Variants in SPTBN2 observed in about 807,000 individuals in gnomAD.
The protein encoded by SPTBN2 is spectrin beta chain, non-erythrocytic 2.
A neutral mutation model predicts 284.2 loss-of-function variants in SPTBN2; 107 were observed. The ratio of observed to expected loss-of-function variants is 0.38; its 90% CI spans 0.32 to 0.44. The LOEUF (loss-of-function observed/expected upper bound fraction) is 0.44, where lower values mean the gene tolerates loss of function less well. Among genes scored for constraint, SPTBN2 ranks in the 20% least tolerant of loss-of-function variants. The pLI is 1.00. For missense variants in SPTBN2, 2,569 were observed against 3,287.1 expected (o/e 0.78, Z 5.34); for synonymous variants, 1,289 against 1,354.8 (o/e 0.95, Z 1.07).
At chr11:66,738,348 A>G (rs1942870040) in intron 1 of SPTBN2, among the ~76,000 whole-genome samples, 1 of 152,226 alleles carries the variant, frequency 6.6e-6, no homozygotes, top group African/African-American at 2.4e-5. Context: ...CTAAAACATA[A>G]CACCTAAAGA....
chr11:66,716,063 T>C (rs566019589), intron 3 of SPTBN2, 82 bp from the exon 4 acceptor site: 13 of 1,591,426 alleles, frequency 8.2e-6, no homozygotes, highest in African/African-American at 1.3e-5. Flanking sequence ...GGGTGGGGGA[T>C]GGAGAAGCCT....
intron 6 of SPTBN2, 43 bp downstream of exon 6, chr11:66,714,273 G>A (rs1942033776): frequency 6.2e-7 from 1 of 1,609,720 alleles, no homozygotes; most frequent in African/African-American, 1.3e-5. Context: ...CACAGCCTGG[G>A]GGTCACTGAC....
Position 66,708,397 on chromosome 11 carries a change from G to T in SPTBN2, c.1192-98C>A. On this transcript the variant is annotated intron_variant, in intron 11 of 37. Transcript: ENST00000533211. The surrounding 1 kb of genome is among the most constrained non-coding windows in gnomAD (Gnocchi z 4.4). ...AGTCCCATGGAAGCTCGGTCTGGTG[G>T]ATCCGTGGAATGCAGTGGGTGAGAC... 1.6e-6 allele frequency: 2 copies of T among 1,276,210 alleles called. No homozygotes were observed. The highest frequency in any genetic ancestry group is 2.1e-6 in the Non-Finnish European group (2 of 943,244). 79.1% of individuals were successfully genotyped at this position (1,276,210 alleles called of 1,614,324 possible).
In SPTBN2 at chr11:66,722,349, C is replaced by T. The variant is rs867021289; in HGVS notation, c.-113-909G>A. On this transcript the variant is annotated intron_variant, in intron 1 of 37. Coordinates refer to ENST00000533211, the MANE Select transcript of SPTBN2 (RefSeq NM_006946.4). ...CAGCACTTTGGGAGGCCAAGGCGGG[C>T]GGATCACAAGGTCAGGAGATCGAGA... is the stretch of plus-strand genomic sequence containing the variant. Among the ~76,000 whole-genome samples, 29 of 150,866 alleles carry T rather than the reference C, an allele frequency of 1.9e-4. 1 individual carries two copies. The highest frequency in any genetic ancestry group is 1.3e-3 in the South Asian group (6 of 4,768).
chr11:66,686,322 CAG>C (rs769405431), intron 37 of SPTBN2, 74 bp downstream of exon 37: 13 of 1,582,392 alleles, frequency 8.2e-6, no homozygotes, highest in African/African-American at 1.3e-5. Flanking sequence ...AGAGGGAGGA[CAG>C]GGAAAGAAGG....
chr11:66,715,425 G>A lies in SPTBN2; in HGVS notation c.310-30C>T. ...GGAGGGACGGGGGCAAAATGGCACG[G>A]GACTGTGGGCTTCCACCTTCTTCCC... On this transcript the variant is annotated intron_variant, in intron 4 of 37. Coordinates refer to ENST00000533211, the MANE Select transcript of SPTBN2 (RefSeq NM_006946.4). The surrounding 1 kb of genome is among the most constrained non-coding windows in gnomAD (Gnocchi z 5.3). The A allele has an allele frequency of 6.3e-7, 1 of 1,593,028 alleles. No individual in the cohort carries two copies. The highest frequency in any genetic ancestry group is 1.1e-5 in the South Asian group (1 of 88,460).
Position 66,689,834 on chromosome 11 carries a change from G to A in SPTBN2, c.5920C>T (p.Leu1974=). The A allele has an allele frequency of 6.2e-7, 1 of 1,614,074 alleles. No homozygotes were observed. The highest frequency in any genetic ancestry group is 8.5e-7 in the Non-Finnish European group (1 of 1,180,044). The change falls in exon 29 of 38, where the codon CTG becomes TTG. Residue 1974 remains leucine, a synonymous_variant. Coordinates refer to ENST00000533211, the MANE Select transcript of SPTBN2 (RefSeq NM_006946.4). ...SSCIDMGKEL[L]ARSHYAAEEI... ...TCGGCCGCATAGTGGCTCCTGGCCA[G>A]CAGCTCCTTCCCCATGTCGATGCAG...
chr11:66,693,981 G>T lies in SPTBN2; in HGVS notation c.4504-120C>A. 1 of 1,298,174 alleles carries T rather than the reference G, an allele frequency of 7.7e-7. No individual in the cohort carries two copies. The highest frequency in any genetic ancestry group is 1.1e-6 in the Non-Finnish European group (1 of 926,006). The allele number at this position is 1,298,174 out of a possible 1,614,324, so 80.4% of individuals were successfully genotyped here. A position where few individuals can be genotyped will look rare whatever the true frequency, so the allele number is the denominator to read the frequency against. ...TGTGTGTGGGGAACAGTCATCTCTG[G>T]TTCTGGGAGGCATCTCCAAGTCTCC... On this transcript the variant is annotated intron_variant, in intron 22 of 37. Transcript: ENST00000533211. This position sits in a 1 kb window ranked among gnomAD's most constrained non-coding sequence, Gnocchi z 5.7.
At chr11:66,741,857 C>G (rs1450814277) in intron 1 of SPTBN2, among the ~76,000 whole-genome samples, 1 of 152,034 alleles carries the variant, frequency 6.6e-6, no homozygotes, top group Non-Finnish European at 1.5e-5. Context: ...GGGTCTTGCT[C>G]TGTCACTAAG....
intron 1 of SPTBN2, among the ~76,000 whole-genome samples, chr11:66,722,061 C>T (rs1192421136): frequency 2.0e-5 from 3 of 152,140 alleles, no homozygotes; most frequent in Non-Finnish European, 4.4e-5. Flanking sequence ...GCCAGGAAGA[C>T]TGACACACTG....
rs1393761130 is a variant in SPTBN2, at chr11:66,705,643, T to C, written c.1807+41A>G. On this transcript the variant is annotated intron_variant, in intron 14 of 37. Coordinates refer to ENST00000533211, the MANE Select transcript of SPTBN2 (RefSeq NM_006946.4). ...CCACCTCGGCTCTTGATGTGCTCCT[T>C]CCCAGCCCCTCCCTCTCCAGTGCCT... 7 of 1,607,254 alleles carry C rather than the reference T, an allele frequency of 4.4e-6. No homozygotes were observed. The African/African-American group carries it at 9.3e-5, about 21-fold the overall frequency.
At chr11:66,696,853 CTTGAG>C (rs545718472) in intron 20 of SPTBN2, among the ~76,000 whole-genome samples, 41 of 152,296 alleles carry the variant, frequency 2.7e-4, no homozygotes, top group East Asian at 1.9e-3. Flanking sequence ...TGCACATTGA[CTTGAG>C]TTATTTGCCA....
Position 66,687,950 on chromosome 11 carries a change from C to CG in SPTBN2, c.6451-33dup. The CG allele has an allele frequency of 6.2e-7, 1 of 1,614,102 alleles. No homozygotes were observed. The highest frequency in any genetic ancestry group is 1.1e-5 in the South Asian group (1 of 91,084). On this transcript the variant is annotated intron_variant, in intron 33 of 37. Coordinates refer to ENST00000533211, the MANE Select transcript of SPTBN2 (RefSeq NM_006946.4). The surrounding 1 kb of genome is among the most constrained non-coding windows in gnomAD (Gnocchi z 5.2). ...GGACAAGAATCTGTAAAAGGATGTG[C>CG]GGGGGTGGAGGGGCTACGACTCCGA... is the stretch of plus-strand genomic sequence containing the variant.
chr11:66,744,386 C>G (rs964011833), intron 1 of SPTBN2: 2 of 154,386 alleles, frequency 1.3e-5, no homozygotes, highest in South Asian at 4.1e-4. Flanking sequence ...AGCCCCGCGC[C>G]GTTACCGTCG....
intron 1 of SPTBN2, among the ~76,000 whole-genome samples, chr11:66,736,393 G>T (rs1348514866): frequency 2.0e-5 from 3 of 152,112 alleles, no homozygotes; most frequent in Non-Finnish European, 4.4e-5. Context: ...CCTCTCAAAC[G>T]ATTTTTAACT....
chr11:66,687,814 C>T lies in SPTBN2; in HGVS notation c.6501+54G>A, dbSNP rs753131856. The T allele has an allele frequency of 4.3e-6, 7 of 1,612,016 alleles. No homozygotes were observed. Among genetic ancestry groups the T allele is most frequent in the Admixed American group, 1.7e-5 (1 of 60,016 alleles). ...ACTCCCCCACCCGCACTCACCACCC[C>T]CTCTGGACCCTTCGCCTCACAGTTA... On this transcript the variant is annotated intron_variant, in intron 34 of 37. Coordinates refer to ENST00000533211, the MANE Select transcript of SPTBN2 (RefSeq NM_006946.4). This position sits in a 1 kb window ranked among gnomAD's most constrained non-coding sequence, Gnocchi z 5.2.
chr11:66,728,029 CT>C (rs1340116737), intron 1 of SPTBN2: 1 of 149,592 alleles, frequency 6.7e-6, no homozygotes, highest in Admixed American at 6.7e-5. Context: ...TCCCCGCCTG[CT>C]CCCGCCCCGG....
upstream of SPTBN2, among the ~76,000 whole-genome samples, chr11:66,730,996 TG>T (rs1191861181): frequency 7.2e-5 from 11 of 152,172 alleles, no homozygotes; most frequent in Non-Finnish European, 1.6e-4. Context: ...TCAGACTCCT[TG>T]GGTTTAAAAC....
Position 66,708,840 on chromosome 11 carries a change from T to C in SPTBN2, c.1191+62A>G. On this transcript the variant is annotated intron_variant, in intron 11 of 37. Transcript: ENST00000533211. This position sits in a 1 kb window ranked among gnomAD's most constrained non-coding sequence, Gnocchi z 4.4. ...CGACATGGCCCCGGGTTTGGGGATG[T>C]GTGCAAGGCATCTGGGCCAGGGCCT... is the stretch of plus-strand genomic sequence containing the variant. 5 of 1,360,872 alleles carry C rather than the reference T, an allele frequency of 3.7e-6. No individual in the cohort carries two copies. 84.3% of individuals were successfully genotyped at this position (1,360,872 alleles called of 1,614,324 possible).
Sources: gnomAD v4.1 joint callset for allele counts (sites outside exome capture counted in the v4.1 genomes callset) on GRCh38, gnomAD v4.1.1 for gene constraint, Gnocchi (gnomAD v3.1) non-coding constraint, MANE v1.5 for transcripts, NCBI Gene and HGNC (gene_info 2026-07-23, HGNC 2026-07-21) for gene names.